The following NRXN1 variants were observed in gnomAD, a reference collection of about 807,000 sequenced individuals.
NRXN1 encodes the protein neurexin 1, also known as neurexin-1.
In NRXN1, 39 loss-of-function variants were observed where a neutral mutation model predicts 150.9. The observed-to-expected ratio is 0.26, with a 90% CI of 0.20 to 0.34. The LOEUF is 0.34. NRXN1 is among the 10% of genes least tolerant of loss of function. The probability of loss-of-function intolerance (pLI) is 1.00; values close to 1 mark genes in which losing one functional copy is unlikely to be tolerated. For synonymous variants in NRXN1, 924 were observed against 757.0 expected, an observed-to-expected ratio of 1.22 and a Z score of -3.62; for missense variants, 1,815 against 1,949.9, an observed-to-expected ratio of 0.93 and a Z score of 1.30.
intron 5 of NRXN1, among the ~76,000 whole-genome samples, chr2:50,779,866 C>G (rs887536590): frequency 4.6e-5 from 7 of 152,114 alleles, no homozygotes; most frequent in African/African-American, 1.2e-4. Context: ...GATTTATAAA[C>G]CCTTGGGTAT....
chr2:50,663,640 T>A (rs1687618514), intron 5 of NRXN1, among the ~76,000 whole-genome samples: 1 of 152,068 alleles, frequency 6.6e-6, no homozygotes, highest in African/African-American at 2.4e-5. Flanking sequence ...GCCTTTAGGA[T>A]ACATGACAAT....
intron 5 of NRXN1, among the ~76,000 whole-genome samples, chr2:50,836,130 G>C (rs1453223631): frequency 6.6e-6 from 1 of 152,084 alleles, no homozygotes; most frequent in East Asian, 1.9e-4. Context: ...GCACGTTTCT[G>C]TCTTATTAAT....
intron 5 of NRXN1, among the ~76,000 whole-genome samples, chr2:50,874,700 A>C (rs1678310863): frequency 6.6e-6 from 1 of 151,834 alleles, no homozygotes; most frequent in Non-Finnish European, 1.5e-5. Context: ...AAAGAAAAAT[A>C]ATCTTTAACA....
chr2:50,696,660 C>A (rs1172048951), intron 5 of NRXN1, among the ~76,000 whole-genome samples: 1 of 152,168 alleles, frequency 6.6e-6, no homozygotes, highest in African/African-American at 2.4e-5. Context: ...GAGAAACCAG[C>A]AAGCACACCC....
intron 5 of NRXN1, among the ~76,000 whole-genome samples, chr2:50,859,838 T>TTGTGTGTGTG (rs58904379): frequency 0.011 from 1,599 of 147,666 alleles, 35 homozygotes; most frequent in African/African-American, 0.036. Flanking sequence ...ACAATTATGT[T>TTGTGTGTGTG]TGTGTGTGTG....
intron 17 of NRXN1, among the ~76,000 whole-genome samples, chr2:50,291,985 C>T (rs1454179202): frequency 6.6e-6 from 1 of 152,076 alleles, no homozygotes; most frequent in Non-Finnish European, 1.5e-5. Flanking sequence ...ATAACTCACC[C>T]ACAGCGTGGC....
At chr2:50,898,921 G>C (rs76450924) in intron 5 of NRXN1, among the ~76,000 whole-genome samples, 1 of 151,164 alleles carries the variant, frequency 6.6e-6, no homozygotes, top group African/African-American at 2.4e-5. Flanking sequence ...ATTCTGGAAA[G>C]CAAATTCAGG....
At chr2:50,103,136 G>A (rs978850126) in intron 18 of NRXN1, among the ~76,000 whole-genome samples, 3 of 151,984 alleles carry the variant, frequency 2.0e-5, no homozygotes, top group East Asian at 1.9e-4. Context: ...ATTTATAAAA[G>A]ACTTCCTGAA....
At chr2:50,004,530 G>T (rs1305592845) in intron 21 of NRXN1, among the ~76,000 whole-genome samples, 3 of 152,054 alleles carry the variant, frequency 2.0e-5, no homozygotes, top group African/African-American at 7.2e-5. Flanking sequence ...GGCATATTCA[G>T]CCTCATGGTT....
At chr2:51,026,580 T>C in intron 2 of NRXN1, 1 of 694,042 alleles carries the variant, frequency 1.4e-6, no homozygotes, top group South Asian at 1.7e-5. Flanking sequence ...CCCAGATAAA[T>C]GTCATTAGCC....
intron 2 of NRXN1, among the ~76,000 whole-genome samples, chr2:51,022,880 G>T (rs1205561369): frequency 6.6e-6 from 1 of 152,034 alleles, no homozygotes; most frequent in Admixed American, 6.6e-5. Flanking sequence ...ACTGTACTTG[G>T]GGTATGCTAT....
intron 17 of NRXN1, among the ~76,000 whole-genome samples, chr2:50,278,252 ATATTATATATATTATATATG>A (rs1207829633): frequency 1.3e-4 from 6 of 46,060 alleles, no homozygotes; most frequent in Admixed American, 8.0e-4. Context: ...ATATATATAT[ATATTATATATATTATATATG>A]TATTATATAT....
intron 19 of NRXN1, among the ~76,000 whole-genome samples, chr2:50,079,590 G>C (rs982446116): frequency 2.6e-5 from 4 of 151,942 alleles, no homozygotes; most frequent in African/African-American, 9.7e-5. Context: ...TCAGACTCTT[G>C]AATGTATATT....
chr2:50,123,962 G>C (rs1456680786), intron 18 of NRXN1, among the ~76,000 whole-genome samples: 2 of 152,070 alleles, frequency 1.3e-5, no homozygotes, highest in Non-Finnish European at 1.5e-5. Flanking sequence ...AAATGTGGAC[G>C]TATCACATAC....
chr2:50,972,724 C>T (rs901478606), intron 2 of NRXN1, among the ~76,000 whole-genome samples: 1 of 152,008 alleles, frequency 6.6e-6, no homozygotes, highest in Non-Finnish European at 1.5e-5. Context: ...AGATCCCTCA[C>T]ATGCACAGGT....
chr2:49,947,140 A>G (rs1029702743), intron 21 of NRXN1, among the ~76,000 whole-genome samples: 1 of 152,090 alleles, frequency 6.6e-6, no homozygotes, highest in Non-Finnish European at 1.5e-5. Flanking sequence ...CCCCCGGACC[A>G]ACATCTAGCG....
chr2:50,203,469 T>A (rs1438527668), intron 18 of NRXN1, among the ~76,000 whole-genome samples: 1 of 152,192 alleles, frequency 6.6e-6, no homozygotes, highest in Admixed American at 6.5e-5. Context: ...CATTTTTAGC[T>A]GACTTTTTTA....
At chr2:50,654,546 G>T (rs1686129070) in intron 5 of NRXN1, among the ~76,000 whole-genome samples, 1 of 151,996 alleles carries the variant, frequency 6.6e-6, no homozygotes, top group African/African-American at 2.4e-5. Flanking sequence ...TACATACCCA[G>T]TAATGGGATG....
intron 21 of NRXN1, among the ~76,000 whole-genome samples, chr2:50,031,091 A>G (rs576294702): frequency 6.6e-6 from 1 of 152,198 alleles, no homozygotes; most frequent in East Asian, 1.9e-4. Flanking sequence ...CATATATACT[A>G]ACATGTAAAG....
Sources: allele counts gnomAD v4.1 joint callset (sites outside exome capture counted in the v4.1 genomes callset), GRCh38; gene constraint gnomAD v4.1.1; transcripts MANE v1.5; gene names NCBI Gene and HGNC (gene_info 2026-07-23, HGNC 2026-07-21).